The following SEMA3F variants were observed in gnomAD, a reference collection of about 807,000 sequenced individuals.
SEMA3F encodes the protein semaphorin 3F.
In SEMA3F, 30 loss-of-function variants were observed where a neutral mutation model predicts 98.5. That is an observed-to-expected ratio of 0.30 (90% CI 0.23 to 0.41). SEMA3F has a LOEUF of 0.41. SEMA3F is among the 10% of genes least tolerant of loss of function. SEMA3F has a pLI of 1.00. For missense variants in SEMA3F, 866 were observed against 1,119.3 expected, an observed-to-expected ratio of 0.77 and a Z score of 3.23; for synonymous variants, 380 against 444.8, an observed-to-expected ratio of 0.85 and a Z score of 1.83.
Position 50,182,830 on chromosome 3 carries a change from C to T in SEMA3F, c.903+47C>T. 6.2e-7 allele frequency: 1 copy of T among 1,611,060 alleles called. No homozygotes were observed. The highest frequency in any genetic ancestry group is 1.7e-4 in the Middle Eastern group (1 of 6,058). Reference sequence around the variant, plus strand: ...AGGCTGCCCCTTCCACCAGTTCTGGCTTCATCAGCCCTGCTCCAGCCAGGG... The same window carrying T: ...AGGCTGCCCCTTCCACCAGTTCTGGTTTCATCAGCCCTGCTCCAGCCAGGG... On this transcript the variant is annotated intron_variant, in intron 9 of 18. Coordinates refer to ENST00000002829, the MANE Select transcript of SEMA3F (RefSeq NM_004186.5). The surrounding 1 kb of genome is among the most constrained non-coding windows in gnomAD (Gnocchi z 4.5).
rs1699051709 is a variant in SEMA3F, at chr3:50,182,514, T to G, written c.763+111T>G. Reference sequence around the variant, plus strand: ...GGGACATGTTTAGCCTATGACTACCTGGGGCAGGGGTAGTTTCTTATCTGG... The same window carrying G: ...GGGACATGTTTAGCCTATGACTACCGGGGGCAGGGGTAGTTTCTTATCTGG... On this transcript the variant is annotated intron_variant, in intron 8 of 18. Transcript: ENST00000002829. This position sits in a 1 kb window ranked among gnomAD's most constrained non-coding sequence, Gnocchi z 4.5. The G allele has an allele frequency of 1.3e-6, 2 of 1,571,808 alleles. No individual in the cohort carries two copies. The highest frequency in any genetic ancestry group is 2.7e-5 in the African/African-American group (2 of 74,178).
intron 2 of SEMA3F, among the ~76,000 whole-genome samples, chr3:50,171,370 T>C (rs1698595511): frequency 6.6e-6 from 1 of 152,118 alleles, no homozygotes; most frequent in African/African-American, 2.4e-5. Context: ...GTTGATATTA[T>C]AGAGGCCCAA....
At chr3:50,164,470 G>A (rs1284910440) in intron 2 of SEMA3F, among the ~76,000 whole-genome samples, 2 of 152,168 alleles carry the variant, frequency 1.3e-5, no homozygotes, top group Non-Finnish European at 2.9e-5. Context: ...ATGCACCTCC[G>A]GCCCCTTGAC....
intron 7 of SEMA3F, among the ~76,000 whole-genome samples, chr3:50,179,118 C>T (rs1034732575): frequency 6.6e-6 from 1 of 152,038 alleles, no homozygotes; most frequent in Non-Finnish European, 1.5e-5. Context: ...CCACCACGCC[C>T]ACCCCTATTT....
intron 7 of SEMA3F, among the ~76,000 whole-genome samples, chr3:50,178,010 G>A (rs1388227425): frequency 6.6e-6 from 1 of 152,358 alleles, no homozygotes; most frequent in African/African-American, 2.4e-5. Flanking sequence ...GGGAGACGGA[G>A]GCGGGCGGAT....
chr3:50,181,691 G>A (rs973665702), intron 7 of SEMA3F, among the ~76,000 whole-genome samples: 11 of 150,418 alleles, frequency 7.3e-5, no homozygotes, highest in African/African-American at 2.2e-4. Flanking sequence ...GCATGATCTC[G>A]CTCACTGCAA....
At position 50,184,742 on chromosome 3, in the gene SEMA3F, C is replaced by G. The variant is rs201165303; in HGVS notation, c.1384C>G (p.Arg462Gly). The part of the protein sequence containing the change: ...PLVVRTGAPY[R>G]LTTIAVDQVD... The stretch of plus-strand genomic sequence containing the variant: ...GGTAGTCCGCACAGGTGCTCCCTAC[C>G]GCCTTACCACTATTGCCGTGGACCA... The change falls in exon 13 of 19, where the codon CGC becomes GGC. Residue 462 changes from arginine (R) to glycine (G), a missense_variant. Arg to Gly is a moderately radical substitution (Grantham distance 125). Transcript: ENST00000002829. 3.1e-6 allele frequency: 5 copies of G among 1,614,132 alleles called. No homozygotes were observed. In the East Asian group the frequency reaches 1.1e-4, roughly 36 times the overall value.
intron 16 of SEMA3F, 114 bp from the exon 17 acceptor site, chr3:50,186,167 G>A: frequency 6.9e-7 from 1 of 1,449,462 alleles, no homozygotes; most frequent in Non-Finnish European, 9.5e-7. Flanking sequence ...GAGTCTTATG[G>A]GTAAGACATC....
chr3:50,188,603 G>T lies in SEMA3F; in HGVS notation c.*488G>T, dbSNP rs1198538076. On this transcript the variant is annotated 3_prime_UTR_variant, in exon 19 of 19. Transcript: ENST00000002829. The surrounding 1 kb of genome is among the most constrained non-coding windows in gnomAD (Gnocchi z 4.5). ...AGAAGGGAAGAAGGGGCCATCACAG[G>T]ATGCCAGCCCCTGCCTGGGTTGGGG... 6.6e-6 allele frequency: 1 copy of T among 152,660 alleles called. No individual in the cohort carries two copies. The highest frequency in any genetic ancestry group is 1.5e-5 in the Non-Finnish European group (1 of 68,094). 9.5% of individuals were successfully genotyped at this position (152,660 alleles called of 1,614,324 possible).
chr3:50,172,773 C>T (rs1329660411), intron 2 of SEMA3F, among the ~76,000 whole-genome samples: 1 of 152,118 alleles, frequency 6.6e-6, no homozygotes, highest in Non-Finnish European at 1.5e-5. Flanking sequence ...CAAGTGAGGA[C>T]CTTGCTGTGC....
Position 50,156,809 on chromosome 3 carries a change from C to T in SEMA3F, c.-49+1245C>T, listed in dbSNP as rs1575367493. ...GGCCAGAGAGAAGGCGGCAGCCCACCCAGCCTCAGCCCCTCGCTGCTCAGC... is the reference window on the plus strand; with the variant it reads ...GGCCAGAGAGAAGGCGGCAGCCCACTCAGCCTCAGCCCCTCGCTGCTCAGC... On this transcript the variant is annotated intron_variant, in intron 1 of 18. Coordinates refer to ENST00000002829, the MANE Select transcript of SEMA3F (RefSeq NM_004186.5). The surrounding 1 kb of genome is among the most constrained non-coding windows in gnomAD (Gnocchi z 4.5). 6.6e-6 allele frequency among the ~76,000 whole-genome samples: 1 copy of T among 152,172 alleles called. No homozygotes were observed.
chr3:50,173,476 A>C (rs1303818685), intron 2 of SEMA3F: 2 of 321,306 alleles, frequency 6.2e-6, no homozygotes, highest in Non-Finnish European at 1.2e-5. Flanking sequence ...CATCTCAAAA[A>C]ACAAACAAAC....
chr3:50,177,970 G>A (rs1009775683), intron 7 of SEMA3F, among the ~76,000 whole-genome samples: 7 of 151,340 alleles, frequency 4.6e-5, no homozygotes, highest in African/African-American at 9.7e-5. Flanking sequence ...AGCCGGGTGC[G>A]GTGGCTCACA....
intron 5 of SEMA3F, 79 bp from the exon 6 acceptor site, chr3:50,175,017 T>C: frequency 1.1e-6 from 1 of 933,264 alleles, no homozygotes; most frequent in Non-Finnish European, 1.7e-6. Context: ...GCCTGTGTGG[T>C]GTTAGAGGCT....
At position 50,186,601 on chromosome 3, in the gene SEMA3F, C is replaced by A. The variant is rs371622807; in HGVS notation, c.1814-12C>A. 62 of 1,583,656 alleles carry A rather than the reference C, an allele frequency of 3.9e-5. No individual in the cohort carries two copies. The East Asian group carries it at 4.3e-4, about 11-fold the overall frequency. On this transcript the variant is annotated splice_polypyrimidine_tract_variant and intron_variant, in intron 17 of 18. Transcript: ENST00000002829. ...GTGATGCTGCTTTTGCTCAACCCCTCTCACTCTAAAGCCAACAAGAATGCC... is the reference window on the plus strand; with the variant it reads ...GTGATGCTGCTTTTGCTCAACCCCTATCACTCTAAAGCCAACAAGAATGCC...
At chr3:50,179,316 GTTTC>G (rs1203140251) in intron 7 of SEMA3F, among the ~76,000 whole-genome samples, 4 of 150,366 alleles carry the variant, frequency 2.7e-5, no homozygotes, top group African/African-American at 7.3e-5. Context: ...CGAGAAGGCT[GTTTC>G]TTTCTTTCTT....
At chr3:50,159,849 C>T (rs1698137889) in intron 2 of SEMA3F, 115 bp downstream of exon 2, 1 of 719,092 alleles carries the variant, frequency 1.4e-6, no homozygotes, top group Non-Finnish European at 2.4e-6. Flanking sequence ...AATTGTACAG[C>T]CACATAGGTT....
Position 50,186,522 on chromosome 3 carries a change from G to T in SEMA3F, c.1814-91G>T, listed in dbSNP as rs910957701. On this transcript the variant is annotated intron_variant, in intron 17 of 18. Coordinates refer to ENST00000002829, the MANE Select transcript of SEMA3F (RefSeq NM_004186.5). ...CCCATCAACACAGAGCACTACATTGGTGAGTGGGTGCCCCTCGGTGCCTGC... is the reference window on the plus strand; with the variant it reads ...CCCATCAACACAGAGCACTACATTGTTGAGTGGGTGCCCCTCGGTGCCTGC... 112 of 1,500,494 alleles carry T rather than the reference G, an allele frequency of 7.5e-5. No individual in the cohort carries two copies. The Admixed American group carries it at 2.0e-3, about 27-fold the overall frequency. 92.9% of individuals were successfully genotyped at this position (1,500,494 alleles called of 1,614,324 possible). A position where few individuals can be genotyped will look rare whatever the true frequency, so the allele number is the denominator to read the frequency against.
At chr3:50,159,379 G>A (rs770903730) in intron 1 of SEMA3F, 196 bp from the exon 2 acceptor site, 15 of 479,580 alleles carry the variant, frequency 3.1e-5, no homozygotes, top group Non-Finnish European at 4.7e-5. Flanking sequence ...GTGACCCCAG[G>A]CTGGGGCCTA....
Sources: gnomAD v4.1 joint callset for allele counts (sites outside exome capture counted in the v4.1 genomes callset) on GRCh38, gnomAD v4.1.1 for gene constraint, Gnocchi (gnomAD v3.1) non-coding constraint, MANE v1.5 for transcripts, NCBI Gene and HGNC (gene_info 2026-07-23, HGNC 2026-07-21) for gene names.